The following NRXN3 variants were observed in gnomAD, a reference collection of about 807,000 sequenced individuals.
NRXN3 encodes neurexin 3, also known as neurexin III.
A neutral mutation model predicts 137.6 loss-of-function variants in NRXN3; 32 were observed. The observed-to-expected ratio is 0.23, with a 90% CI of 0.18 to 0.31. The LOEUF (loss-of-function observed/expected upper bound fraction) is 0.31, where lower values mean the gene tolerates loss of function less well. Among genes scored for constraint, NRXN3 ranks in the 10% least tolerant of loss-of-function variants. The pLI is 1.00. For synonymous variants in NRXN3, 798 were observed against 784.5 expected, an observed-to-expected ratio of 1.02 and a Z score of -0.29; for missense variants, 1,574 against 2,062.5, an observed-to-expected ratio of 0.76 and a Z score of 4.59.
chr14:78,215,822 C>T (rs2153418037), intron 1 of NRXN3, among the ~76,000 whole-genome samples: 1 of 151,830 alleles, frequency 6.6e-6, no homozygotes, highest in Non-Finnish European at 1.5e-5. Context: ...CTTTGGATCT[C>T]CCACATCTGT....
At chr14:79,352,950 C>T (rs1242651200) in intron 15 of NRXN3, among the ~76,000 whole-genome samples, 1 of 152,094 alleles carries the variant, frequency 6.6e-6, no homozygotes, top group Non-Finnish European at 1.5e-5. Context: ...AACACCATCA[C>T]TTATTAAACT....
intron 1 of NRXN3, among the ~76,000 whole-genome samples, chr14:78,198,973 C>G (rs1288141085): frequency 6.6e-6 from 1 of 152,202 alleles, no homozygotes; most frequent in Admixed American, 6.5e-5. Context: ...AGAAAAAAAC[C>G]TCTGACCAGT....
intron 10 of NRXN3, among the ~76,000 whole-genome samples, chr14:78,926,751 TTA>T (rs537248291): frequency 0.025 from 1,453 of 59,166 alleles, 212 homozygotes; most frequent in African/African-American, 0.092. Context: ...ATATTATATA[TTA>T]TATATATATT....
intron 1 of NRXN3, among the ~76,000 whole-genome samples, chr14:78,218,262 T>G (rs1158682936): frequency 6.6e-6 from 1 of 151,654 alleles, no homozygotes; most frequent in African/African-American, 2.4e-5. Flanking sequence ...GAAGCTGAGG[T>G]GGAAGGATTG....
chr14:79,195,730 G>A (rs951736254), intron 15 of NRXN3, among the ~76,000 whole-genome samples: 3 of 152,156 alleles, frequency 2.0e-5, no homozygotes, highest in Admixed American at 2.0e-4. Flanking sequence ...GAAAACAGAA[G>A]TGATTCTAGG....
At chr14:78,360,968 GATT>G (rs1487647311) in intron 4 of NRXN3, among the ~76,000 whole-genome samples, 2 of 152,184 alleles carry the variant, frequency 1.3e-5, no homozygotes. Flanking sequence ...CAGTGATGAT[GATT>G]TCTCACCCCA....
At chr14:79,754,572 A>G (rs1414445495) in intron 19 of NRXN3, among the ~76,000 whole-genome samples, 2 of 126,954 alleles carry the variant, frequency 1.6e-5, no homozygotes, top group East Asian at 2.4e-4. Context: ...ATGCACACAT[A>G]CACACACACA....
At chr14:79,305,246 G>A (rs573813687) in intron 15 of NRXN3, among the ~76,000 whole-genome samples, 2 of 152,084 alleles carry the variant, frequency 1.3e-5, no homozygotes, top group South Asian at 2.1e-4. Flanking sequence ...CCTAGCATTC[G>A]TAAATACTCA....
intron 6 of NRXN3, 85 bp from the exon 7 acceptor site, chr14:78,709,132 T>G: frequency 7.6e-7 from 1 of 1,313,206 alleles, no homozygotes; most frequent in Non-Finnish European, 1.0e-6. Flanking sequence ...TCTTTTTGGG[T>G]CATTTTTCCA....
At chr14:78,646,164 G>A (rs1016652326) in intron 5 of NRXN3, among the ~76,000 whole-genome samples, 1 of 152,142 alleles carries the variant, frequency 6.6e-6, no homozygotes, top group Non-Finnish European at 1.5e-5. Flanking sequence ...ATCGCTTGCC[G>A]ATTCTAAGCA....
At chr14:78,988,218 A>G (rs763060390) in intron 15 of NRXN3, 77 bp downstream of exon 15, 22 of 1,542,672 alleles carry the variant, frequency 1.4e-5, no homozygotes, top group Non-Finnish European at 7.2e-6. Context: ...GACAATATGT[A>G]AAAGGATGGC....
chr14:78,220,540 G>A (rs2063742359), intron 1 of NRXN3, among the ~76,000 whole-genome samples: 1 of 152,164 alleles, frequency 6.6e-6, no homozygotes, highest in African/African-American at 2.4e-5. Context: ...GATGAGGATA[G>A]AAAGGGAGAG....
At chr14:79,406,043 C>A (rs1212998550) in intron 15 of NRXN3, among the ~76,000 whole-genome samples, 4 of 152,096 alleles carry the variant, frequency 2.6e-5, no homozygotes, top group African/African-American at 4.8e-5. Flanking sequence ...ACTTAATAAA[C>A]AGTTAAATAT....
intron 4 of NRXN3, among the ~76,000 whole-genome samples, chr14:78,322,425 C>T (rs1481347252): frequency 1.3e-5 from 2 of 151,964 alleles, no homozygotes; most frequent in African/African-American, 4.8e-5. Context: ...TCCAAGACCT[C>T]CAATAGTAGT....
At chr14:78,702,128 T>TA (rs1212334482) in intron 6 of NRXN3, among the ~76,000 whole-genome samples, 2 of 152,176 alleles carry the variant, frequency 1.3e-5, no homozygotes, top group Non-Finnish European at 2.9e-5. Flanking sequence ...ACTTCACTGT[T>TA]AGAGTTTGAT....
chr14:78,913,272 TTC>T (rs200026930), intron 10 of NRXN3, among the ~76,000 whole-genome samples: 2,890 of 74,296 alleles, frequency 0.039, 149 homozygotes, highest in African/African-American at 0.061. Context: ...CTTTCTTTCT[TTC>T]TTTTTTTTTT....
At chr14:79,657,655 CAA>C (rs1280842776) in intron 16 of NRXN3, among the ~76,000 whole-genome samples, 7 of 152,116 alleles carry the variant, frequency 4.6e-5, no homozygotes, top group Non-Finnish European at 8.8e-5. Flanking sequence ...TTAATAGCCA[CAA>C]AAAGAGCGCA....
At chr14:78,232,261 C>T (rs547363759) in intron 1 of NRXN3, among the ~76,000 whole-genome samples, 1 of 152,366 alleles carries the variant, frequency 6.6e-6, no homozygotes, top group African/African-American at 2.4e-5. Context: ...TCCTCACCAG[C>T]TCTGGCACCT....
intron 6 of NRXN3, among the ~76,000 whole-genome samples, chr14:78,690,972 A>G (rs1284721131): frequency 6.6e-6 from 1 of 152,212 alleles, no homozygotes; most frequent in Non-Finnish European, 1.5e-5. Context: ...GAGAGCCTTC[A>G]TCAGATGCGT....
Sources: gnomAD v4.1 joint callset for allele counts (sites outside exome capture counted in the v4.1 genomes callset) on GRCh38, gnomAD v4.1.1 for gene constraint, MANE v1.5 for transcripts, NCBI Gene and HGNC (gene_info 2026-07-23, HGNC 2026-07-21) for gene names.